TTBK2: variants seen among roughly 807,000 people sequenced by gnomAD.
The protein encoded by TTBK2 is tau-tubulin kinase 2.
TTBK2 carries 28 observed loss-of-function variants against 110.8 expected under a neutral mutation model. That is an observed-to-expected ratio of 0.25 (90% CI 0.19 to 0.35). The LOEUF (loss-of-function observed/expected upper bound fraction) is 0.35. Among genes scored for constraint, TTBK2 ranks in the 10% least tolerant of loss-of-function variants. The pLI, the probability that TTBK2 is intolerant of heterozygous loss-of-function variation, is 1.00. For synonymous variants in TTBK2, 532 were observed against 527.3 expected, an observed-to-expected ratio of 1.01 and a Z score of -0.12; for missense variants, 1,369 against 1,500.3, an observed-to-expected ratio of 0.91 and a Z score of 1.45.
Position 42,783,722 on chromosome 15 carries a change from C to A in TTBK2, c.981-87G>T, listed in dbSNP as rs534494577. The A allele has an allele frequency of 1.3e-5, 14 of 1,038,680 alleles. No homozygotes were observed. In the African/African-American group the frequency reaches 1.8e-4, roughly 13 times the overall value. 64.3% of individuals were successfully genotyped at this position (1,038,680 alleles called of 1,614,324 possible). Reference sequence around the variant, plus strand: ...CATTTTATTTCTTCATTTAAATGAACTCCACACATAATTAAGAGAGTTAAA... The same window carrying A: ...CATTTTATTTCTTCATTTAAATGAAATCCACACATAATTAAGAGAGTTAAA... On this transcript the variant is annotated intron_variant, in intron 10 of 14. Transcript: ENST00000267890.
At chr15:42,911,157 TAC>T (rs1214199034) in intron 1 of TTBK2, among the ~76,000 whole-genome samples, 2 of 152,108 alleles carry the variant, frequency 1.3e-5, no homozygotes, top group Non-Finnish European at 2.9e-5. Flanking sequence ...AGGATTGTCA[TAC>T]AAAGTTTCTT....
Position 42,742,291 on chromosome 15 carries a change from CAGTT to C in TTBK2, c.*3500_*3503del, listed in dbSNP as rs759736894. 1 of 152,190 alleles carries C rather than the reference CAGTT, an allele frequency of 6.6e-6. No homozygotes were observed. The highest frequency in any genetic ancestry group is 1.5e-5 in the Non-Finnish European group (1 of 68,032). The allele number at this position is 152,190 out of a possible 1,614,324, so 9.4% of individuals were successfully genotyped here. On this transcript the variant is annotated 3_prime_UTR_variant, in exon 15 of 15. Coordinates refer to ENST00000267890, the MANE Select transcript of TTBK2 (RefSeq NM_173500.4). Reference sequence around the variant, plus strand: ...ACATCACAACATGCAACTTAAAAAACAGTTAATGTAACTATGCCACTGTCAGCAA... The same window carrying C: ...ACATCACAACATGCAACTTAAAAAACAATGTAACTATGCCACTGTCAGCAA...
At chr15:42,903,550 A>T (rs2030194712) in intron 1 of TTBK2, among the ~76,000 whole-genome samples, 2 of 152,242 alleles carry the variant, frequency 1.3e-5, no homozygotes, top group Non-Finnish European at 2.9e-5. Context: ...CCAGTGGAAA[A>T]ATCATGTGAC....
At chr15:42,887,955 A>G (rs917834510) in intron 1 of TTBK2, among the ~76,000 whole-genome samples, 2 of 152,076 alleles carry the variant, frequency 1.3e-5, no homozygotes, top group Non-Finnish European at 2.9e-5. Flanking sequence ...GATCGTGTCC[A>G]GCTAATCTCC....
At chr15:42,800,190 A>T (rs1460320463) in intron 9 of TTBK2, 1 of 404,288 alleles carries the variant, frequency 2.5e-6, no homozygotes, top group Admixed American at 3.5e-5. Context: ...GTTAATTCTA[A>T]AACTTTTATA....
chr15:42,891,026 G>A (rs933020114), intron 1 of TTBK2, among the ~76,000 whole-genome samples: 8 of 151,930 alleles, frequency 5.3e-5, no homozygotes, highest in East Asian at 3.9e-4. Context: ...GCACCACCAC[G>A]CCCGGCTAAT....
At chr15:42,777,940 G>A (rs1182993997) in intron 11 of TTBK2, among the ~76,000 whole-genome samples, 1 of 151,846 alleles carries the variant, frequency 6.6e-6, no homozygotes, top group Non-Finnish European at 1.5e-5. Flanking sequence ...AGAAACACAA[G>A]CCAGTCTTCC....
intron 1 of TTBK2, among the ~76,000 whole-genome samples, chr15:42,888,537 T>A (rs1031964683): frequency 6.6e-6 from 1 of 152,122 alleles, no homozygotes; most frequent in African/African-American, 2.4e-5. Flanking sequence ...ATATCTATCA[T>A]TGAGGCTACT....
intron 1 of TTBK2, among the ~76,000 whole-genome samples, chr15:42,920,219 C>T (rs1170048451): frequency 6.6e-6 from 1 of 152,170 alleles, no homozygotes; most frequent in East Asian, 1.9e-4. Context: ...TGGGGCAAAA[C>T]GAGGCGGCAG....
chr15:42,785,406 C>T (rs1049217339), intron 10 of TTBK2, among the ~76,000 whole-genome samples: 1 of 152,108 alleles, frequency 6.6e-6, no homozygotes, highest in Non-Finnish European at 1.5e-5. Flanking sequence ...CAGGTGTGAG[C>T]CATCGTGCCC....
At chr15:42,782,111 A>G (rs1392787018) in intron 11 of TTBK2, among the ~76,000 whole-genome samples, 4 of 152,156 alleles carry the variant, frequency 2.6e-5, no homozygotes, top group African/African-American at 9.7e-5. Context: ...TCACTCTGTC[A>G]TCCAGGCTGG....
intron 13 of TTBK2, among the ~76,000 whole-genome samples, chr15:42,754,227 C>T (rs906116335): frequency 6.6e-6 from 1 of 150,868 alleles, no homozygotes; most frequent in Non-Finnish European, 1.5e-5. Flanking sequence ...GGGACTACAG[C>T]ATGCACCACC....
intron 1 of TTBK2, among the ~76,000 whole-genome samples, chr15:42,918,141 T>A (rs879584075): frequency 1.3e-5 from 2 of 152,044 alleles, no homozygotes; most frequent in African/African-American, 2.4e-5. Flanking sequence ...AGTGGAGCGA[T>A]CACAGATCAC....
At position 42,783,535 on chromosome 15, in the gene TTBK2, C is replaced by T. The variant is rs201163413; in HGVS notation, c.1081G>A (p.Val361Ile). 3.2e-5 allele frequency: 52 copies of T among 1,614,130 alleles called. No individual in the cohort carries two copies. Among genetic ancestry groups the T allele is most frequent in the Admixed American group, 5.0e-5 (3 of 60,016 alleles). The change falls in exon 11 of 15, where the codon GTT (valine) becomes ATT (isoleucine). Residue 361 changes from valine (V) to isoleucine (I), a missense_variant. By Grantham distance (29) the Val-to-Ile change is conservative. Transcript: ENST00000267890. ...QLSDGENGIPVGVSPDKLPGS... is the reference protein window; with the variant it reads ...QLSDGENGIPIGVSPDKLPGS... ...GGCAATTTATCTGGTGACACACCAA[C>T]AGGGATGCCATTTTCTCCATCGCTA... is the stretch of plus-strand genomic sequence containing the variant.
chr15:42,743,976 CTCTA>C lies in TTBK2; in HGVS notation c.*1815_*1818del, dbSNP rs2061764591. 1 of 152,046 alleles carries C rather than the reference CTCTA, an allele frequency of 6.6e-6. No homozygotes were observed. The allele number at this position is 152,046 out of a possible 1,614,324, so 9.4% of individuals were successfully genotyped here. ...AATGACTCTATATAAGGATATGTCT[CTCTA>C]TATATTTATAAATATTTATATAATT... On this transcript the variant is annotated 3_prime_UTR_variant, in exon 15 of 15. Coordinates refer to ENST00000267890, the MANE Select transcript of TTBK2 (RefSeq NM_173500.4).
intron 1 of TTBK2, among the ~76,000 whole-genome samples, chr15:42,917,314 A>T (rs540626947): frequency 2.6e-5 from 4 of 152,310 alleles, no homozygotes; most frequent in Non-Finnish European, 5.9e-5. Flanking sequence ...TCAAGAATAA[A>T]GTCACATGAC....
chr15:42,775,089 A>G (rs1414869455), intron 13 of TTBK2, 46 bp downstream of exon 13: 2 of 1,586,084 alleles, frequency 1.3e-6, no homozygotes, highest in Admixed American at 3.3e-5. Flanking sequence ...TCTTAATAGC[A>G]CCTTGAGTGG....
At chr15:42,822,581 G>A (rs1289122880) in intron 6 of TTBK2, among the ~76,000 whole-genome samples, 1 of 152,036 alleles carries the variant, frequency 6.6e-6, no homozygotes, top group Non-Finnish European at 1.5e-5. Context: ...TGATATGACT[G>A]CAGCAGACCA....
chr15:42,774,147 CTG>C (rs1889797889), intron 13 of TTBK2, among the ~76,000 whole-genome samples: 1 of 152,168 alleles, frequency 6.6e-6, no homozygotes, highest in South Asian at 2.1e-4. Flanking sequence ...TCTTTTCCCA[CTG>C]TTTTGCACTT....
Sources: gnomAD v4.1 joint callset for allele counts (sites outside exome capture counted in the v4.1 genomes callset) on GRCh38, gnomAD v4.1.1 for gene constraint, MANE v1.5 for transcripts, NCBI Gene and HGNC (gene_info 2026-07-23, HGNC 2026-07-21) for gene names.